Variants in LYPD8 observed in about 807,000 individuals in gnomAD.
The protein encoded by LYPD8 is LY6/PLAUR domain containing 8, also known as ly6/PLAUR domain-containing protein 8.
Under a neutral mutation model 1.7 loss-of-function variants are expected in LYPD8, and 8 were observed. The observed-to-expected ratio is 4.58, with a 90% CI of 2.69 to 8.27. The LOEUF (loss-of-function observed/expected upper bound fraction) is 8.27, where lower values mean the gene tolerates loss of function less well. LYPD8 is among the 30% of genes most tolerant of loss of function. The pLI is 0.00. For synonymous variants in LYPD8, 50 were observed against 43.6 expected (o/e 1.15, Z -0.58); for missense variants, 112 against 102.3 (o/e 1.09, Z -0.41).
chr1:248,750,056 C>CA (rs1478594516), intron 4 of LYPD8, among the ~76,000 whole-genome samples: 6 of 151,888 alleles, frequency 4.0e-5, no homozygotes, highest in Admixed American at 6.6e-5. Context: ...GTGTCTATTA[C>CA]AAAAAAGTGA....
intron 2 of LYPD8, among the ~76,000 whole-genome samples, chr1:248,752,650 CAA>C (rs1296292178): frequency 1.5e-5 from 1 of 64,618 alleles, no homozygotes; most frequent in African/African-American, 3.9e-5. Flanking sequence ...ACACAACACA[CAA>C]CACACACCAC....
intron 6 of LYPD8, among the ~76,000 whole-genome samples, chr1:248,744,638 G>GTGGATCTCACAATGGGTAGCGTCAAATA (rs1662695629): frequency 1.3e-5 from 2 of 151,696 alleles, no homozygotes; most frequent in African/African-American, 4.9e-5. Flanking sequence ...AGTGTCAAAT[G>GTGGATCTCACAATGGGTAGCGTCAAATA]TGTATTTTAC....
chr1:248,753,263 T>C (rs1392344682), intron 2 of LYPD8, among the ~76,000 whole-genome samples: 78 of 20,160 alleles, frequency 3.9e-3, no homozygotes, highest in South Asian at 6.2e-3. Flanking sequence ...ACACACCGCA[T>C]CACACACACA....
At position 248,739,585 on chromosome 1, in the gene LYPD8, GCT is replaced by G; in HGVS notation, c.*24_*25del. On this transcript the variant is annotated 3_prime_UTR_variant, in exon 7 of 7. Transcript: ENST00000590317. This position sits in a 1 kb window ranked among gnomAD's most constrained non-coding sequence, Gnocchi z 4.3. ...GACCTCAGAGAAGCAGAAATGGGGT[GCT>G]GGGCAAAGTGCAGCCCCAGGACCTC... 6.4e-7 allele frequency: 1 copy of G among 1,550,428 alleles called. No homozygotes were observed. The highest frequency in any genetic ancestry group is 8.7e-7 in the Non-Finnish European group (1 of 1,146,938).
chr1:248,750,819 T>C, intron 3 of LYPD8, among the ~76,000 whole-genome samples, 176 bp from the exon 4 acceptor site: 1 of 152,252 alleles, frequency 6.6e-6, no homozygotes, highest in Non-Finnish European at 1.5e-5. Context: ...AATTAGTTTC[T>C]CCCACTGCTC....
chr1:248,750,449 CT>C, intron 4 of LYPD8, 74 bp downstream of exon 4: 1 of 397,884 alleles, frequency 2.5e-6, no homozygotes, highest in Non-Finnish European at 4.4e-6. Flanking sequence ...CCTTTCTTTC[CT>C]GCCTGGATGT....
chr1:248,754,323 TCA>T (rs1394145577), intron 2 of LYPD8, among the ~76,000 whole-genome samples: 6 of 141,832 alleles, frequency 4.2e-5, no homozygotes, highest in Non-Finnish European at 9.1e-5. Flanking sequence ...CACATGCAAA[TCA>T]CATCACAGAC....
chr1:248,746,227 C>T (rs1472004652), intron 5 of LYPD8, among the ~76,000 whole-genome samples: 1 of 152,238 alleles, frequency 6.6e-6, no homozygotes, highest in South Asian at 2.1e-4. Context: ...TCCACATAAA[C>T]GAAAGTTCTT....
intron 2 of LYPD8, among the ~76,000 whole-genome samples, chr1:248,752,826 CA>C (rs1662833986): frequency 2.6e-5 from 3 of 117,188 alleles, no homozygotes; most frequent in African/African-American, 8.0e-5. Flanking sequence ...CATCACATCA[CA>C]CACACCACAC....
At chr1:248,752,085 C>T (rs1662809796) in intron 2 of LYPD8, among the ~76,000 whole-genome samples, 1 of 152,072 alleles carries the variant, frequency 6.6e-6, no homozygotes, top group African/African-American at 2.4e-5. Context: ...TATACACGGT[C>T]GCTGTGAGGC....
intron 2 of LYPD8, among the ~76,000 whole-genome samples, chr1:248,753,022 ACACACCC>A (rs1413369291): frequency 4.0e-5 from 4 of 100,990 alleles, no homozygotes; most frequent in Non-Finnish European, 5.8e-5. Flanking sequence ...TACACACACC[ACACACCC>A]CACACACCAC....
At chr1:248,742,115 G>A (rs374376925) in intron 6 of LYPD8, among the ~76,000 whole-genome samples, 33 of 152,340 alleles carry the variant, frequency 2.2e-4, no homozygotes, top group African/African-American at 7.5e-4. Context: ...CTTTGGGTGA[G>A]GCTGTATCAA....
intron 6 of LYPD8, among the ~76,000 whole-genome samples, chr1:248,743,682 T>G (rs1181259070): frequency 6.6e-6 from 1 of 152,062 alleles, no homozygotes; most frequent in Non-Finnish European, 1.5e-5. Flanking sequence ...CAGCCTCCCT[T>G]ACAGCCAAGA....
chr1:248,753,436 AACACAACAC>A (rs1231628443), intron 2 of LYPD8, among the ~76,000 whole-genome samples: 45 of 86,450 alleles, frequency 5.2e-4, no homozygotes, highest in African/African-American at 1.5e-3. Context: ...CAACACACAC[AACACAACAC>A]ACACAACACA....
intron 6 of LYPD8, among the ~76,000 whole-genome samples, chr1:248,740,592 A>T (rs1298863291): frequency 6.6e-6 from 1 of 152,234 alleles, no homozygotes; most frequent in Non-Finnish European, 1.5e-5. Flanking sequence ...GGACTCACGG[A>T]GGTGAAGTGA....
At position 248,741,079 on chromosome 1, in the gene LYPD8, A is replaced by G. The variant is rs548619101; in HGVS notation, c.476-1230T>C. Reference sequence around the variant, plus strand: ...AGTGAGTCAGTGATCGCACCCCTGCATTCCGGCCCGGGCGACAGAGCGAGA... The same window carrying G: ...AGTGAGTCAGTGATCGCACCCCTGCGTTCCGGCCCGGGCGACAGAGCGAGA... On this transcript the variant is annotated intron_variant, in intron 6 of 6. Transcript: ENST00000590317. Among the ~76,000 whole-genome samples the G allele has an allele frequency of 3.3e-5, 5 of 152,302 alleles. No homozygotes were observed. In the South Asian group the frequency reaches 8.3e-4, roughly 25 times the overall value.
intron 2 of LYPD8, among the ~76,000 whole-genome samples, chr1:248,752,329 C>T (rs939187648): frequency 1.3e-4 from 19 of 151,914 alleles, no homozygotes; most frequent in African/African-American, 2.4e-5. Context: ...AGAGGGACGA[C>T]GAAGTAACCC....
At position 248,739,591 on chromosome 1, in the gene LYPD8, C is replaced by T. The variant is rs1553283007; in HGVS notation, c.*20G>A. 1 of 1,550,520 alleles carries T rather than the reference C, an allele frequency of 6.4e-7. No individual in the cohort carries two copies. The highest frequency in any genetic ancestry group is 1.2e-5 in the South Asian group (1 of 83,986). ...AGAGAAGCAGAAATGGGGTGCTGGG[C>T]AAAGTGCAGCCCCAGGACCTCAGGG... On this transcript the variant is annotated 3_prime_UTR_variant, in exon 7 of 7. Transcript: ENST00000590317. The surrounding 1 kb of genome is among the most constrained non-coding windows in gnomAD (Gnocchi z 4.3).
chr1:248,740,454 G>A (rs35676759), intron 6 of LYPD8, among the ~76,000 whole-genome samples: 16,935 of 152,266 alleles, frequency 0.11, 2,956 homozygotes, highest in African/African-American at 0.37. Flanking sequence ...AAAAAGGCCT[G>A]GGGCATTTGG....
Sources: allele counts gnomAD v4.1 joint callset (sites outside exome capture counted in the v4.1 genomes callset), GRCh38; gene constraint gnomAD v4.1.1; non-coding constraint Gnocchi (gnomAD v3.1); transcripts MANE v1.5; gene names NCBI Gene and HGNC (gene_info 2026-07-23, HGNC 2026-07-21).